The following KMT2D variants were observed in gnomAD, a reference collection of about 807,000 sequenced individuals.
KMT2D encodes histone-lysine N-methyltransferase 2D.
A neutral mutation model predicts 512.7 loss-of-function variants in KMT2D; 55 were observed. The observed-to-expected ratio is 0.11, with a 90% CI of 0.09 to 0.13. KMT2D has a LOEUF of 0.13. Among genes scored for constraint, KMT2D ranks in the 10% least tolerant of loss-of-function variants. The probability of loss-of-function intolerance (pLI) is 1.00; values close to 1 mark genes in which losing one functional copy is unlikely to be tolerated. For missense variants in KMT2D, 6,061 were observed against 7,127.9 expected, an observed-to-expected ratio of 0.85 and a Z score of 5.39; for synonymous variants, 2,995 against 2,904.0, an observed-to-expected ratio of 1.03 and a Z score of -1.01.
intron 1 of KMT2D, among the ~76,000 whole-genome samples, chr12:49,057,771 A>G (rs1434726160): frequency 6.6e-6 from 1 of 152,170 alleles, no homozygotes; most frequent in East Asian, 1.9e-4. Flanking sequence ...AAACTGACAC[A>G]CATACACACC....
Position 49,034,096 on chromosome 12 carries a change from G to T in KMT2D, c.10711C>A (p.Gln3571Lys). 6.2e-7 allele frequency: 1 copy of T among 1,612,700 alleles called. No homozygotes were observed. The change falls in exon 39 of 55, where the codon CAG becomes AAG. Residue 3571 changes from glutamine (Q) to lysine (K), a missense_variant. Physicochemically the swap from Gln to Lys is moderately conservative, Grantham distance 53. Transcript: ENST00000301067. ...TCCAGTTGTTTCTGGATCTTGCTCT[G>T]CTGCTCTGTAACCAGCTTGAGCTTC... Reference protein sequence around the residue: ...AEKLKLVTEQQSKIQKQLDQV... With the variant: ...AEKLKLVTEQKSKIQKQLDQV...
chr12:49,030,408 G>C lies in KMT2D; in HGVS notation c.13871C>G (p.Ser4624Trp), dbSNP rs886043233. The change falls in exon 43 of 55, where the codon TCG becomes TGG. Residue 4624 changes from serine to tryptophan, a missense_variant. Ser to Trp is a radical substitution (Grantham distance 177). This residue lies in a region of KMT2D where 1,600 missense variants were observed against 1,754.9 expected (regional missense o/e 0.91). Transcript: ENST00000301067. ...NNLSNPPTPP[S>W]SLPPTPPPSV... ...TGGGGGTGGGGTGGGGGGCAGCGAC[G>C]AGGGTGGTGTCGGCGGGTTACTCAG... The C allele has an allele frequency of 7.0e-7, 1 of 1,424,964 alleles. No homozygotes were observed. The highest frequency in any genetic ancestry group is 9.4e-7 in the Non-Finnish European group (1 of 1,058,634). The allele number at this position is 1,424,964 out of a possible 1,614,324, so 88.3% of individuals were successfully genotyped here. A position where few individuals can be genotyped will look rare whatever the true frequency, so the allele number is the denominator to read the frequency against.
chr12:49,060,297 A>G lies in KMT2D; in HGVS notation c.-722T>C, dbSNP rs1938672477. ...GGGAAGGGAGGAGGCTAGGTAGGCG[A>G]GGAAAAGGAAGGGGCGGGCGGTGCG... On this transcript the variant is annotated 5_prime_UTR_variant, in exon 1 of 55. Transcript: ENST00000301067. 6.6e-6 allele frequency among the ~76,000 whole-genome samples: 1 copy of G among 151,942 alleles called. No homozygotes were observed. Among genetic ancestry groups the G allele is most frequent in the Non-Finnish European group, 1.5e-5 (1 of 67,938 alleles).
At chr12:49,048,091 C>A (rs766513775) in intron 14 of KMT2D, 22 bp from the exon 15 acceptor site, 2 of 1,515,618 alleles carry the variant, frequency 1.3e-6, no homozygotes, top group Non-Finnish European at 1.8e-6. Flanking sequence ...CAGAGAAACC[C>A]AAATGTCCAA....
In KMT2D at chr12:49,030,682, A is replaced by G; in HGVS notation, c.13758T>C (p.Asn4586=). ...AGGCCCCCCTCAGCTGGCTCTGCCC[A>G]TTGACTGGGCAGCCACTGCCAAAGG... ...FAPFGSGCPV[N]GQSQLRGAFG... is the part of the protein sequence containing the mutation. Residue 4586 remains asparagine (N), a synonymous_variant, in exon 42 of 55, where the codon AAT becomes AAC. Transcript: ENST00000301067. The G allele has an allele frequency of 1.2e-5, 19 of 1,613,376 alleles. No individual in the cohort carries two copies. Among genetic ancestry groups the G allele is most frequent in the Non-Finnish European group, 1.6e-5 (19 of 1,179,828 alleles).
At chr12:49,058,016 G>A (rs1230280220) in intron 1 of KMT2D, among the ~76,000 whole-genome samples, 1 of 152,190 alleles carries the variant, frequency 6.6e-6, no homozygotes, top group Non-Finnish European at 1.5e-5. Flanking sequence ...TCCCAGACAA[G>A]GGGGAAATGG....
At position 49,024,092 on chromosome 12, in the gene KMT2D, G is replaced by A. The variant is rs1565755334; in HGVS notation, c.16052+486C>T. 4.4e-6 allele frequency: 2 copies of A among 455,902 alleles called. No individual in the cohort carries two copies. Among genetic ancestry groups the A allele is most frequent in the Non-Finnish European group, 8.8e-6 (2 of 227,054 alleles). 28.2% of individuals were successfully genotyped at this position (455,902 alleles called of 1,614,324 possible). ...GTGAGGATCAAATGAGATAATGGATGTGAAAACGCTTTGAAAAAAAAAGTA... is the reference window on the plus strand; with the variant it reads ...GTGAGGATCAAATGAGATAATGGATATGAAAACGCTTTGAAAAAAAAAGTA... On this transcript the variant is annotated intron_variant, in intron 51 of 54. Transcript: ENST00000301067. The surrounding 1 kb of genome is among the most constrained non-coding windows in gnomAD (Gnocchi z 4.5).
In KMT2D at chr12:49,052,207, C is replaced by A. The variant is rs554252668; in HGVS notation, c.1476G>T (p.Ser492=). The A allele has an allele frequency of 6.2e-7, 1 of 1,611,646 alleles. No individual in the cohort carries two copies. Among genetic ancestry groups the A allele is most frequent in the Non-Finnish European group, 8.5e-7 (1 of 1,179,264 alleles). ...ACTCCTCAGGCGGCGGAGAGAGGGG[C>A]GATTCCTCCAGCGGCCGGGACAGGT... is the stretch of plus-strand genomic sequence containing the variant. ...ALHLSRPLEE[S]PLSPPPEESP... is the part of the protein sequence containing the mutation. Residue 492 remains serine, a synonymous_variant, in exon 11 of 55, where the codon TCG becomes TCT. Coordinates refer to ENST00000301067, the MANE Select transcript of KMT2D (RefSeq NM_003482.4).
intron 18 of KMT2D, 31 bp from the exon 19 acceptor site, chr12:49,045,998 G>A (rs762009425): frequency 2.7e-5 from 43 of 1,613,654 alleles, no homozygotes; most frequent in Non-Finnish European, 3.6e-5. Context: ...GGAGGTGGCT[G>A]AGGTCCTGTC....
Position 49,025,308 on chromosome 12 carries a change from T to TA in KMT2D, c.15785-363dup, listed in dbSNP as rs570208859. On this transcript the variant is annotated intron_variant, in intron 49 of 54. Transcript: ENST00000301067. Reference sequence around the variant, plus strand: ...GAGCCAAATACAGTCACGTGCAGCTTAACAACATTTCATTCAATGAGGAAT... The same window carrying TA: ...GAGCCAAATACAGTCACGTGCAGCTTAAACAACATTTCATTCAATGAGGAAT... 7.2e-3 allele frequency among the ~76,000 whole-genome samples: 1,099 copies of TA among 152,340 alleles called. 10 individuals are homozygous for TA. Among genetic ancestry groups the TA allele is most frequent in the African/African-American group, 0.025 (1,043 of 41,576 alleles).
In KMT2D at chr12:49,037,331, C is replaced by A. The variant is rs1397945395; in HGVS notation, c.10025G>T (p.Arg3342Leu). 6.2e-7 allele frequency: 1 copy of A among 1,612,206 alleles called. No homozygotes were observed. The highest frequency in any genetic ancestry group is 1.1e-5 in the South Asian group (1 of 90,636). The part of the protein sequence containing the change: ...TQPPAHALQQ[R>L]LAPSMAMVSN... ...CACCATAGCCATGGATGGAGCCAGG[C>A]GTTGCTGGAGGGCATGAGCTGGTGG... Residue 3342 changes from arginine (R) to leucine (L), a missense_variant, in exon 35 of 55, where the codon CGC becomes CTC. By Grantham distance (102) the Arg-to-Leu change is moderately radical (BLOSUM62 -2). Coordinates refer to ENST00000301067, the MANE Select transcript of KMT2D (RefSeq NM_003482.4).
chr12:49,033,099 G>A lies in KMT2D; in HGVS notation c.11606C>T (p.Ser3869Phe), dbSNP rs1346721444. The change falls in exon 40 of 55, where the codon TCC (serine) becomes TTC (phenylalanine). Residue 3869 changes from serine to phenylalanine, a missense_variant. This residue lies in a region of KMT2D where 1,600 missense variants were observed against 1,754.9 expected (regional missense o/e 0.91). Transcript: ENST00000301067. ...QQQQQHQQQG[S>F]MAGLSHLQQS... ...CTGAAGATGGGACAGCCCTGCCATG[G>A]ACCCTTGCTGTTGGTGCTGTTGTTG... 6.4e-7 allele frequency: 1 copy of A among 1,551,452 alleles called. No homozygotes were observed. The highest frequency in any genetic ancestry group is 8.7e-7 in the Non-Finnish European group (1 of 1,146,954).
chr12:49,040,521 A>G lies in KMT2D; in HGVS notation c.7249T>C (p.Ser2417Pro), dbSNP rs1057516188. 1 of 1,601,394 alleles carries G rather than the reference A, an allele frequency of 6.2e-7. No homozygotes were observed. Among genetic ancestry groups the G allele is most frequent in the Non-Finnish European group, 8.5e-7 (1 of 1,171,892 alleles). ...PFSRVPASPQ[S>P]QSSSQSPLTP... ...AGTGGAGACTGGGAGCTGGACTGGG[A>G]CTGAGGACTGGCAGGCACTCGGGAG... Residue 2417 changes from serine to proline, a missense_variant, in exon 32 of 55, where the codon TCC (serine) becomes CCC (proline). By Grantham distance (74) the Ser-to-Pro change is moderately conservative. Transcript: ENST00000301067.
rs747081609 is a variant in KMT2D at position 49,024,742 on chromosome 12, G to A, written c.15922-34C>T. The A allele has an allele frequency of 2.5e-6, 4 of 1,609,168 alleles. No homozygotes were observed. Among genetic ancestry groups the A allele is most frequent in the Admixed American group, 1.7e-5 (1 of 59,780 alleles). On this transcript the variant is annotated intron_variant, in intron 50 of 54. Transcript: ENST00000301067. This position sits in a 1 kb window ranked among gnomAD's most constrained non-coding sequence, Gnocchi z 4.5. The stretch of plus-strand genomic sequence containing the variant: ...ACAGTTCATACTCACCTTAGCCTGA[G>A]TTTTTTTGGGGTTAGGCCAAAGTTC...
At position 49,040,159 on chromosome 12, in the gene KMT2D, A is replaced by C; in HGVS notation, c.7611T>G (p.Thr2537=). ...AAGGCTCCCCTACTGCCTGAGGGAAAGTGAAACGCATGGGAGAGGGGGTGC... is the reference window on the plus strand; with the variant it reads ...AAGGCTCCCCTACTGCCTGAGGGAACGTGAAACGCATGGGAGAGGGGGTGC... The part of the protein sequence containing the change: ...FVGTPSPMRF[T]FPQAVGEPSL... Residue 2537 remains threonine (T), a synonymous_variant, in exon 32 of 55, where the codon ACT becomes ACG. Transcript: ENST00000301067. 2 of 1,613,880 alleles carry C rather than the reference A, an allele frequency of 1.2e-6. No homozygotes were observed. The highest frequency in any genetic ancestry group is 2.2e-5 in the South Asian group (2 of 91,088).
chr12:49,048,142 G>T, intron 14 of KMT2D, 73 bp from the exon 15 acceptor site: 1 of 1,001,590 alleles, frequency 1.0e-6, no homozygotes, highest in Non-Finnish European at 1.5e-6. Context: ...CTACTATGAC[G>T]CTACAACACT....
Position 49,045,967 on chromosome 12 carries a change from G to A in KMT2D, c.4694C>T (p.Ala1565Val), listed in dbSNP as rs200119692. Reference sequence around the variant, plus strand: ...CACCAGCTCTGGAGGTGCAACAGGCGCTATGGAGAGAAGGACAAACGGAGG... The same window carrying A: ...CACCAGCTCTGGAGGTGCAACAGGCACTATGGAGAGAAGGACAAACGGAGG... ...SCQPYVVKPV[A>V]PVAPPELVPM... The change falls in exon 19 of 55, where the codon GCG (alanine) becomes GTG (valine). Residue 1565 changes from alanine to valine, a missense_variant and splice_region_variant. By Grantham distance (64) the Ala-to-Val change is moderately conservative. Transcript: ENST00000301067. The A allele has an allele frequency of 9.9e-6, 16 of 1,613,920 alleles. No individual in the cohort carries two copies. The highest frequency in any genetic ancestry group is 6.7e-5 in the African/African-American group (5 of 75,030).
rs1943085639 is a variant in KMT2D at position 49,033,961 on chromosome 12, G to A, written c.10744C>T (p.Arg3582Trp). The A allele has an allele frequency of 6.5e-7, 1 of 1,532,036 alleles. No homozygotes were observed. Among genetic ancestry groups the A allele is most frequent in the Non-Finnish European group, 8.8e-7 (1 of 1,138,184 alleles). 94.9% of individuals were successfully genotyped at this position (1,532,036 alleles called of 1,614,324 possible). Residue 3582 changes from arginine to tryptophan, a missense_variant, in exon 40 of 55, where the codon CGG becomes TGG. This residue lies in a region of KMT2D where 50 missense variants were observed against 119.9 expected (regional missense o/e 0.42). Coordinates refer to ENST00000301067, the MANE Select transcript of KMT2D (RefSeq NM_003482.4). ...TTAGTGTGCTCCTTCTGCTGTTTCC[G>A]GACCTAACATGGGAGGGTCGGAGAG... The part of the protein sequence containing the change: ...SKIQKQLDQV[R>W]KQQKEHTNLM...
chr12:49,046,435 C>G lies in KMT2D; in HGVS notation c.4419-11G>C, dbSNP rs540070774. ...ATACAGGACACACACCTGATAGGAG[C>G]AGGAAAACAGAGCTTTAGCACCCAA... On this transcript the variant is annotated splice_polypyrimidine_tract_variant and intron_variant, in intron 16 of 54. Transcript: ENST00000301067. This position sits in a 1 kb window ranked among gnomAD's most constrained non-coding sequence, Gnocchi z 4.2. 6.2e-7 allele frequency: 1 copy of G among 1,612,074 alleles called. No homozygotes were observed. The highest frequency in any genetic ancestry group is 8.5e-7 in the Non-Finnish European group (1 of 1,178,622).
Sources: allele counts gnomAD v4.1 joint callset (sites outside exome capture counted in the v4.1 genomes callset), GRCh38; gene constraint gnomAD v4.1.1; regional missense constraint gnomAD v4.1.1; non-coding constraint Gnocchi (gnomAD v3.1); transcripts MANE v1.5; gene names NCBI Gene and HGNC (gene_info 2026-07-23, HGNC 2026-07-21).